Variants in DLG2 observed in about 807,000 individuals in gnomAD.
DLG2 encodes disks large homolog 2.
In DLG2, 45 loss-of-function variants were observed where a neutral mutation model predicts 132.5. That is an observed-to-expected ratio of 0.34 (90% CI 0.27 to 0.44). DLG2 has a LOEUF of 0.44. Ranked by LOEUF, DLG2 falls within the 20% of genes least tolerant of loss-of-function variation. The pLI is 1.00. For missense variants in DLG2, 1,045 were observed against 1,196.9 expected, an observed-to-expected ratio of 0.87 and a Z score of 1.87; for synonymous variants, 424 against 419.6, an observed-to-expected ratio of 1.01 and a Z score of -0.13.
chr11:84,112,530 T>TA (rs1474773934), intron 9 of DLG2, among the ~76,000 whole-genome samples: 1 of 148,524 alleles, frequency 6.7e-6, no homozygotes, highest in African/African-American at 2.5e-5. Context: ...CCATGAGAAT[T>TA]TTTTTTTTTA....
In DLG2 at chr11:84,302,356, C is replaced by A. The variant is rs59495269; in HGVS notation, c.520-51065G>T. ...GAAGTATAATTTTAAAAAATGATGT[C>A]AACAAGAAAAATATTTTTCTAACTT... On this transcript the variant is annotated intron_variant, in intron 7 of 27. Coordinates refer to ENST00000376104, the MANE Select transcript of DLG2 (RefSeq NM_001142699.3). 9.4e-3 allele frequency among the ~76,000 whole-genome samples: 1,436 copies of A among 152,104 alleles called. 16 individuals carry two copies. Among genetic ancestry groups the A allele is most frequent in the African/African-American group, 0.031 (1,277 of 41,488 alleles).
At chr11:84,779,497 T>A (rs11234176) in intron 6 of DLG2, among the ~76,000 whole-genome samples, 39,662 of 151,956 alleles carry the variant, frequency 0.26, 5,657 homozygotes, top group Admixed American at 0.3. Context: ...CAAGATCATA[T>A]CATCAGCAAA....
At chr11:85,085,013 C>G (rs1044165135) in intron 6 of DLG2, among the ~76,000 whole-genome samples, 2 of 152,142 alleles carry the variant, frequency 1.3e-5, no homozygotes, top group South Asian at 2.1e-4. Context: ...GAAGGTCTAC[C>G]TACCACTCAC....
chr11:84,970,020 G>T (rs539343020), intron 6 of DLG2, among the ~76,000 whole-genome samples: 279 of 152,146 alleles, frequency 1.8e-3, no homozygotes, highest in African/African-American at 5.3e-3. Flanking sequence ...CCTTTTGTGG[G>T]GTGGGGGGCT....
At chr11:83,967,142 G>A (rs559389590) in intron 12 of DLG2, among the ~76,000 whole-genome samples, 1 of 151,972 alleles carries the variant, frequency 6.6e-6, no homozygotes, top group South Asian at 2.1e-4. Flanking sequence ...CCACTGACAG[G>A]CATGAAGGTC....
rs537378573 is a variant in DLG2 at position 83,981,554 on chromosome 11, G to C, written c.920-912C>G. ...CCTCCCGGCTTCAAGCGGTTCTCCT[G>C]CCTCAGCCTCCTGAGTAGCTGGGAT... On this transcript the variant is annotated intron_variant, in intron 11 of 27. Transcript: ENST00000376104. Among the ~76,000 whole-genome samples the C allele has an allele frequency of 1.7e-4, 26 of 152,164 alleles. No individual in the cohort carries two copies. The South Asian group carries it at 5.4e-3, about 32-fold the overall frequency.
At chr11:84,399,969 T>C (rs575230990) in intron 7 of DLG2, among the ~76,000 whole-genome samples, 6 of 152,220 alleles carry the variant, frequency 3.9e-5, no homozygotes, top group African/African-American at 1.4e-4. Context: ...GTTCCTTGCC[T>C]GTGAAGGCAA....
intron 17 of DLG2, among the ~76,000 whole-genome samples, chr11:83,823,839 G>A (rs527725194): frequency 2.6e-5 from 4 of 152,250 alleles, no homozygotes; most frequent in African/African-American, 9.6e-5. Context: ...TTCCTGTGGT[G>A]ACTCATATGT....
intron 17 of DLG2, among the ~76,000 whole-genome samples, chr11:83,793,388 G>A (rs1227308006): frequency 1.3e-5 from 2 of 151,972 alleles, no homozygotes; most frequent in Non-Finnish European, 2.9e-5. Flanking sequence ...ATGTTTTCCT[G>A]TAGCAAACTA....
chr11:85,281,600 C>T (rs916380628), intron 4 of DLG2, among the ~76,000 whole-genome samples: 7 of 151,966 alleles, frequency 4.6e-5, no homozygotes, highest in African/African-American at 1.2e-4. Context: ...GTTTCTATTT[C>T]GCTCATAGTA....
At chr11:84,803,962 G>C (rs901051400) in intron 6 of DLG2, among the ~76,000 whole-genome samples, 1 of 152,144 alleles carries the variant, frequency 6.6e-6, no homozygotes, top group African/African-American at 2.4e-5. Context: ...AGAAAAGCAT[G>C]CATATAAAAG....
At chr11:83,716,779 A>G (rs2153673536) in intron 18 of DLG2, among the ~76,000 whole-genome samples, 1 of 152,246 alleles carries the variant, frequency 6.6e-6, no homozygotes, top group Middle Eastern at 3.4e-3. Flanking sequence ...ATAATCTTCA[A>G]TGCTTTAATG....
At chr11:84,903,434 G>A (rs778634893) in intron 6 of DLG2, among the ~76,000 whole-genome samples, 10 of 152,048 alleles carry the variant, frequency 6.6e-5, no homozygotes, top group Non-Finnish European at 1.2e-4. Context: ...TTCCTATAGA[G>A]TATGCTTACA....
At position 85,176,729 on chromosome 11, in the gene DLG2, T is replaced by C. The variant is rs1333274423; in HGVS notation, c.187-22078A>G. On this transcript the variant is annotated intron_variant, in intron 4 of 27. Transcript: ENST00000376104. ...AACTATCCATCTGACGAAGGTCTAA[T>C]ATCTAGAGTTTACATGGAATTTAAA... 3.3e-5 allele frequency among the ~76,000 whole-genome samples: 5 copies of C among 152,258 alleles called. No homozygotes were observed. The South Asian group carries it at 8.3e-4, about 25-fold the overall frequency.
Position 84,195,774 on chromosome 11 carries a change from T to C in DLG2, c.574-32263A>G, listed in dbSNP as rs1597191064. Among the ~76,000 whole-genome samples the C allele has an allele frequency of 2.0e-5, 3 of 152,252 alleles. No individual in the cohort carries two copies. The South Asian group carries it at 6.2e-4, about 31-fold the overall frequency. On this transcript the variant is annotated intron_variant, in intron 8 of 27. Coordinates refer to ENST00000376104, the MANE Select transcript of DLG2 (RefSeq NM_001142699.3). ...GTGTAAGCCAGGTTCTTCTGTTATA[T>C]GCTCTTATGATGCCCTCCACTTTTC...
At chr11:84,170,071 T>C (rs1351411171) in intron 8 of DLG2, among the ~76,000 whole-genome samples, 1 of 152,174 alleles carries the variant, frequency 6.6e-6, no homozygotes. Flanking sequence ...AACCTTTTTT[T>C]TACCCTTGTA....
In DLG2 at chr11:85,267,169, A is replaced by G. The variant is rs936157423; in HGVS notation, c.186+18051T>C. 3.9e-5 allele frequency among the ~76,000 whole-genome samples: 6 copies of G among 152,172 alleles called. No homozygotes were observed. The South Asian group carries it at 8.3e-4, about 21-fold the overall frequency. ...TAGAGTAATCATGAATAGGATAAGT[A>G]CCCTTACAAAAAGACATGAGAGGAC... On this transcript the variant is annotated intron_variant, in intron 4 of 27. Coordinates refer to ENST00000376104, the MANE Select transcript of DLG2 (RefSeq NM_001142699.3).
At chr11:84,660,548 T>C (rs759492913) in intron 6 of DLG2, among the ~76,000 whole-genome samples, 2 of 152,074 alleles carry the variant, frequency 1.3e-5, no homozygotes, top group Non-Finnish European at 2.9e-5. Context: ...TGACCCAGAG[T>C]AGAAATGCTA....
chr11:85,127,808 C>T (rs759087834), intron 5 of DLG2, among the ~76,000 whole-genome samples: 13 of 152,064 alleles, frequency 8.5e-5, no homozygotes, highest in Non-Finnish European at 1.9e-4. Context: ...TTTCCAAATA[C>T]CTTATTTGCA....
Sources: gnomAD v4.1 joint callset for allele counts (sites outside exome capture counted in the v4.1 genomes callset) on GRCh38, gnomAD v4.1.1 for gene constraint, MANE v1.5 for transcripts, NCBI Gene and HGNC (gene_info 2026-07-23, HGNC 2026-07-21) for gene names.